Variants in ABCB1 observed in about 807,000 individuals in gnomAD.
The protein encoded by ABCB1 is ATP binding cassette subfamily B member 1.
ABCB1 carries 69 observed loss-of-function variants against 142.0 expected under a neutral mutation model. The observed-to-expected ratio is 0.49, with a 90% CI of 0.40 to 0.59. The LOEUF (loss-of-function observed/expected upper bound fraction) is 0.59. Among genes scored for constraint, ABCB1 ranks in the 20% least tolerant of loss-of-function variants. ABCB1 has a pLI of 0.00. For missense variants in ABCB1, 1,326 were observed against 1,554.7 expected, an observed-to-expected ratio of 0.85 and a Z score of 2.47; for synonymous variants, 532 against 539.2, an observed-to-expected ratio of 0.99 and a Z score of 0.18.
intron 1 of ABCB1, among the ~76,000 whole-genome samples, chr7:87,688,691 G>T (rs1487464112): frequency 1.3e-5 from 2 of 151,692 alleles, no homozygotes; most frequent in African/African-American, 4.8e-5. Flanking sequence ...TAAAACATAT[G>T]AAATATTTTT....
At chr7:87,697,702 C>G (rs978838259) in intron 1 of ABCB1, among the ~76,000 whole-genome samples, 5 of 152,182 alleles carry the variant, frequency 3.3e-5, no homozygotes, top group South Asian at 2.1e-4. Flanking sequence ...ATGCACTAGA[C>G]TCTTTGCTAC....
chr7:87,521,531 A>G (rs1440696971), intron 21 of ABCB1: 2 of 758,042 alleles, frequency 2.6e-6, no homozygotes, highest in East Asian at 2.5e-5. Flanking sequence ...TGAGCTCTAC[A>G]TTGGTTGACC....
At chr7:87,583,452 G>A (rs576009778) in intron 4 of ABCB1, among the ~76,000 whole-genome samples, 4 of 152,230 alleles carry the variant, frequency 2.6e-5, no homozygotes, top group East Asian at 1.9e-4. Context: ...TCTCTTTCCC[G>A]TTCTCAAGAC....
chr7:87,596,446 G>A (rs1819209538), intron 2 of ABCB1, among the ~76,000 whole-genome samples: 1 of 152,026 alleles, frequency 6.6e-6, no homozygotes, highest in Non-Finnish European at 1.5e-5. Context: ...CAGAAATGAT[G>A]TTCTATAAAT....
chr7:87,566,190 A>C lies in ABCB1; in HGVS notation c.582T>G (p.Phe194Leu). The change falls in exon 7 of 28, where the codon TTT (phenylalanine) becomes TTG (leucine). Residue 194 changes from phenylalanine to leucine, a missense_variant. Coordinates refer to ENST00000622132, the MANE Select transcript of ABCB1 (RefSeq NM_001348946.2). ...EGIGDKIGMF[F>L]QSMATFFTGF... Reference sequence around the variant, plus strand: ...CAGTGAAAAATGTTGCCATTGACTGAAAGAACATTCCAATTTTGTCACCAA... The same window carrying C: ...CAGTGAAAAATGTTGCCATTGACTGCAAGAACATTCCAATTTTGTCACCAA... The C allele has an allele frequency of 6.2e-7, 1 of 1,614,216 alleles. No homozygotes were observed. The highest frequency in any genetic ancestry group is 8.5e-7 in the Non-Finnish European group (1 of 1,180,016).
chr7:87,563,052 G>T (rs1817634596), intron 7 of ABCB1, among the ~76,000 whole-genome samples: 1 of 152,142 alleles, frequency 6.6e-6, no homozygotes. Flanking sequence ...ACATAAACTA[G>T]AAAATCTAGA....
intron 20 of ABCB1, among the ~76,000 whole-genome samples, chr7:87,532,144 C>G (rs1275412197): frequency 1.3e-5 from 2 of 152,076 alleles, no homozygotes; most frequent in Non-Finnish European, 2.9e-5. Context: ...ACCAGATTTC[C>G]AACTCTGAAA....
chr7:87,680,793 CA>C (rs1023955421), intron 1 of ABCB1, among the ~76,000 whole-genome samples: 1 of 142,332 alleles, frequency 7.0e-6, no homozygotes, highest in Middle Eastern at 3.5e-3. Context: ...AACTCCATCT[CA>C]AAAAAAAGAA....
intron 1 of ABCB1, among the ~76,000 whole-genome samples, chr7:87,697,010 C>T (rs1279412576): frequency 6.6e-6 from 1 of 152,158 alleles, no homozygotes; most frequent in Non-Finnish European, 1.5e-5. Flanking sequence ...TGGTTTTCAA[C>T]AGCTCTACTT....
chr7:87,549,761 C>T lies in ABCB1; in HGVS notation c.1554+90G>A, dbSNP rs28381898. ...TCCCTTCTTAGGATTTCCCTTCTTC[C>T]GATTTATAGTAGTTTCCTAACTTCC... On this transcript the variant is annotated intron_variant, in intron 13 of 27. Transcript: ENST00000622132. 1,649 of 1,479,986 alleles carry T rather than the reference C, an allele frequency of 1.1e-3. 19 individuals are homozygous for T. In the African/African-American group the frequency reaches 0.02, roughly 18 times the overall value. The allele number at this position is 1,479,986 out of a possible 1,614,324, so 91.7% of individuals were successfully genotyped here. A position where few individuals can be genotyped will look rare whatever the true frequency, so the allele number is the denominator to read the frequency against.
At chr7:87,603,438 G>A (rs899859453), upstream of ABCB1, among the ~76,000 whole-genome samples, 2 of 152,136 alleles carry the variant, frequency 1.3e-5, no homozygotes, top group African/African-American at 4.8e-5. Flanking sequence ...CCACTTCACT[G>A]CCTTTTCCAG....
chr7:87,536,546 G>T lies in ABCB1; in HGVS notation c.2398-5C>A. 6.2e-7 allele frequency: 1 copy of T among 1,613,668 alleles called. No individual in the cohort carries two copies. Among genetic ancestry groups the T allele is most frequent in the Non-Finnish European group, 8.5e-7 (1 of 1,179,750 alleles). ...GTCATCAAACCAACTCACATCCTGT[G>T]GCACAGAAAATGATTTTATTACCTT... On this transcript the variant is annotated splice_polypyrimidine_tract_variant and splice_region_variant and intron_variant, in intron 19 of 27. Transcript: ENST00000622132.
At chr7:87,690,171 A>G (rs1827878597) in intron 1 of ABCB1, among the ~76,000 whole-genome samples, 1 of 152,038 alleles carries the variant, frequency 6.6e-6, no homozygotes, top group Admixed American at 6.6e-5. Flanking sequence ...ACCCTGTAGT[A>G]CAGATATATT....
chr7:87,609,598 T>C (rs1819779857), intron 1 of ABCB1, among the ~76,000 whole-genome samples: 1 of 152,224 alleles, frequency 6.6e-6, no homozygotes, highest in South Asian at 2.1e-4. Context: ...TGGGAATCCA[T>C]GCTAAGGGGA....
chr7:87,547,285 A>AG (rs2129684761), intron 14 of ABCB1, among the ~76,000 whole-genome samples: 1 of 152,374 alleles, frequency 6.6e-6, no homozygotes, highest in African/African-American at 2.4e-5. Context: ...AGAAGAAAAT[A>AG]GATCAATTTT....
intron 1 of ABCB1, among the ~76,000 whole-genome samples, chr7:87,660,834 G>A (rs1824629867): frequency 6.6e-6 from 1 of 151,678 alleles, no homozygotes; most frequent in African/African-American, 2.4e-5. Flanking sequence ...GAGTAATTTG[G>A]AAGTCTTTTT....
At chr7:87,694,548 C>T (rs1828321346) in intron 1 of ABCB1, among the ~76,000 whole-genome samples, 1 of 152,112 alleles carries the variant, frequency 6.6e-6, no homozygotes, top group African/African-American at 2.4e-5. Context: ...AATGTCATTT[C>T]CTTAATTCTA....
chr7:87,543,063 G>A (rs920253034), intron 17 of ABCB1, among the ~76,000 whole-genome samples: 1 of 152,158 alleles, frequency 6.6e-6, no homozygotes, highest in African/African-American at 2.4e-5. Context: ...GCTCATGCCA[G>A]TAGGTGGATT....
intron 21 of ABCB1, 114 bp downstream of exon 21, chr7:87,531,180 G>A (rs1394101966): frequency 7.3e-6 from 7 of 952,968 alleles, no homozygotes; most frequent in Non-Finnish European, 9.9e-6. Flanking sequence ...ATTGCTTTGA[G>A]GAATGGTTAT....
Sources: allele counts gnomAD v4.1 joint callset (sites outside exome capture counted in the v4.1 genomes callset), GRCh38; gene constraint gnomAD v4.1.1; transcripts MANE v1.5; gene names NCBI Gene and HGNC (gene_info 2026-07-23, HGNC 2026-07-21).